The following SMAD9 variants were observed in gnomAD, a reference collection of about 807,000 sequenced individuals.
SMAD9 encodes the protein MAD homolog 9.
In SMAD9, 36 loss-of-function variants were observed where a neutral mutation model predicts 46.1. The ratio of observed to expected loss-of-function variants is 0.78; its 90% CI spans 0.60 to 1.03. The LOEUF is 1.03. SMAD9 is among the 50% of genes least tolerant of loss of function. The probability of loss-of-function intolerance (pLI) is 0.00; values close to 1 mark genes in which losing one functional copy is unlikely to be tolerated. For missense variants in SMAD9, 572 were observed against 599.8 expected, an observed-to-expected ratio of 0.95 and a Z score of 0.48; for synonymous variants, 245 against 237.1, an observed-to-expected ratio of 1.03 and a Z score of -0.31.
chr13:36,886,286 T>G (rs564035662), intron 1 of SMAD9, among the ~76,000 whole-genome samples: 6 of 152,204 alleles, frequency 3.9e-5, no homozygotes, highest in African/African-American at 1.4e-4. Flanking sequence ...GAAAGCCACA[T>G]GGGTGCGTCC....
At chr13:36,898,046 G>C (rs1018265148) in intron 1 of SMAD9, among the ~76,000 whole-genome samples, 53 of 151,692 alleles carry the variant, frequency 3.5e-4, no homozygotes, top group African/African-American at 1.2e-3. Flanking sequence ...TTTTATTAGA[G>C]ACAGGGTTTC....
chr13:36,878,996 T>C (rs2058373504), intron 2 of SMAD9, among the ~76,000 whole-genome samples: 1 of 152,226 alleles, frequency 6.6e-6, no homozygotes, highest in Non-Finnish European at 1.5e-5. Context: ...TCCTTCACAC[T>C]GGCTATAACA....
intron 1 of SMAD9, among the ~76,000 whole-genome samples, chr13:36,899,926 C>T (rs974600723): frequency 6.6e-6 from 1 of 152,148 alleles, no homozygotes; most frequent in Admixed American, 6.5e-5. Flanking sequence ...CAATCTTTCC[C>T]TGCTCCAATC....
chr13:36,887,523 G>A lies in SMAD9; in HGVS notation c.-186-7648C>T, dbSNP rs904774739. Among the ~76,000 whole-genome samples, 5 of 151,986 alleles carry A rather than the reference G, an allele frequency of 3.3e-5. No homozygotes were observed. In the East Asian group the frequency reaches 5.8e-4, roughly 18 times the overall value. ...CAGGTGTGAGCCATTGCGCCTGGCCGACTTGATCATTTTTAAGTGATCGTC... is the reference window on the plus strand; with the variant it reads ...CAGGTGTGAGCCATTGCGCCTGGCCAACTTGATCATTTTTAAGTGATCGTC... On this transcript the variant is annotated intron_variant, in intron 1 of 6. Transcript: ENST00000379826.
At chr13:36,876,451 G>A (rs1447509638) in intron 2 of SMAD9, among the ~76,000 whole-genome samples, 4 of 152,144 alleles carry the variant, frequency 2.6e-5, no homozygotes, top group Non-Finnish European at 5.9e-5. Flanking sequence ...TGTTGGGTAC[G>A]AGTCTGTGAA....
At chr13:36,902,532 C>A (rs2058584959) in intron 1 of SMAD9, among the ~76,000 whole-genome samples, 1 of 151,980 alleles carries the variant, frequency 6.6e-6, no homozygotes, top group South Asian at 2.1e-4. Context: ...CAGCTCACAG[C>A]AACCTCTGCC....
chr13:36,866,591 C>T (rs770962396), intron 4 of SMAD9, among the ~76,000 whole-genome samples: 3 of 152,090 alleles, frequency 2.0e-5, no homozygotes, highest in Non-Finnish European at 4.4e-5. Context: ...ATTTATGAAA[C>T]AGATAAATTT....
intron 1 of SMAD9, among the ~76,000 whole-genome samples, chr13:36,887,438 G>C (rs971979716): frequency 4.6e-5 from 7 of 151,762 alleles, no homozygotes; most frequent in African/African-American, 1.7e-4. Flanking sequence ...AGCTAGGCTG[G>C]TCTCGAACTC....
chr13:36,862,691 T>A (rs2058194119), intron 5 of SMAD9, among the ~76,000 whole-genome samples: 1 of 152,244 alleles, frequency 6.6e-6, no homozygotes, highest in Non-Finnish European at 1.5e-5. Flanking sequence ...ACCTCTCTAA[T>A]AAACTTGCTT....
chr13:36,853,410 A>C lies in SMAD9; in HGVS notation c.1260+9T>G, dbSNP rs1412798280. 6.2e-7 allele frequency: 1 copy of C among 1,613,532 alleles called. No individual in the cohort carries two copies. Among genetic ancestry groups the C allele is most frequent in the Admixed American group, 1.7e-5 (1 of 60,008 alleles). On this transcript the variant is annotated intron_variant, in intron 6 of 6. Coordinates refer to ENST00000379826, the MANE Select transcript of SMAD9 (RefSeq NM_001127217.3). ...AACATTTTATAACGTGATAGCAAGC[A>C]CTCCTTACCTTAACAAAACTCATCC...
At chr13:36,912,070 T>C (rs558948915) in intron 1 of SMAD9, among the ~76,000 whole-genome samples, 150 of 152,356 alleles carry the variant, frequency 9.8e-4, no homozygotes, top group African/African-American at 3.5e-3. Context: ...GTGTGTCAAC[T>C]GCTTAGCTAG....
chr13:36,906,385 A>G (rs917700284), intron 1 of SMAD9, among the ~76,000 whole-genome samples: 3 of 152,270 alleles, frequency 2.0e-5, no homozygotes, highest in South Asian at 2.1e-4. Flanking sequence ...AAATAAATGG[A>G]AAAAAATGCA....
chr13:36,862,782 C>T (rs2058195063), intron 5 of SMAD9, among the ~76,000 whole-genome samples: 1 of 152,168 alleles, frequency 6.6e-6, no homozygotes, highest in African/African-American at 2.4e-5. Flanking sequence ...AATCGGGACA[C>T]CTTTCTGGTA....
intron 1 of SMAD9, among the ~76,000 whole-genome samples, chr13:36,910,190 C>T (rs2058650530): frequency 6.7e-6 from 1 of 148,504 alleles, no homozygotes; most frequent in Non-Finnish European, 1.5e-5. Flanking sequence ...CAGCGAGACT[C>T]CGTCTCAAAA....
In SMAD9 at chr13:36,865,764, A is replaced by G; in HGVS notation, c.782-6T>C. 1 of 1,612,264 alleles carries G rather than the reference A, an allele frequency of 6.2e-7. No homozygotes were observed. The highest frequency in any genetic ancestry group is 8.5e-7 in the Non-Finnish European group (1 of 1,178,550). Reference sequence around the variant, plus strand: ...GTAACAAACTGGTCGAAAGTCTGGAAGAAAACAAACCAGAGAACACATGGC... The same window carrying G: ...GTAACAAACTGGTCGAAAGTCTGGAGGAAAACAAACCAGAGAACACATGGC... On this transcript the variant is annotated splice_region_variant and splice_polypyrimidine_tract_variant and intron_variant, in intron 4 of 6. Transcript: ENST00000379826.
rs531431513 is a variant in SMAD9, at chr13:36,879,748, G to C, written c.-59C>G. ...ACCGCACAGCCCTTCACGGCAAAGT[G>C]GGCGGCGAGTAGCTCTCCAGGGGTG... On this transcript the variant is annotated 5_prime_UTR_variant, in exon 2 of 7. Transcript: ENST00000379826. 69 of 1,598,954 alleles carry C rather than the reference G, an allele frequency of 4.3e-5. No homozygotes were observed. In the Admixed American group the frequency reaches 1.1e-3, roughly 26 times the overall value.
In SMAD9 at chr13:36,879,375, G is replaced by T. The variant is rs762750720; in HGVS notation, c.315C>A (p.His105Gln). The change falls in exon 2 of 7, where the codon CAC becomes CAA. Residue 105 changes from histidine (H) to glutamine (Q), a missense_variant. Physicochemically the swap from His to Gln is conservative, Grantham distance 24 (BLOSUM62 0). Coordinates refer to ENST00000379826, the MANE Select transcript of SMAD9 (RefSeq NM_001127217.3). ...VWRWPDLQSH[H>Q]ELKPLECCEF... ...CACAGCACTCCAGCGGCTTCAGCTC[G>T]TGGTGGGACTGCAGATCCGGCCAGC... is the stretch of plus-strand genomic sequence containing the variant. The T allele has an allele frequency of 6.2e-7, 1 of 1,614,074 alleles. No homozygotes were observed. The highest frequency in any genetic ancestry group is 8.5e-7 in the Non-Finnish European group (1 of 1,180,024).
At chr13:36,905,262 G>C (rs73535781) in intron 1 of SMAD9, among the ~76,000 whole-genome samples, 1 of 152,086 alleles carries the variant, frequency 6.6e-6, no homozygotes, top group South Asian at 2.1e-4. Flanking sequence ...ACTTGAAATC[G>C]ACTTGGTTGT....
upstream of SMAD9, among the ~76,000 whole-genome samples, chr13:36,920,465 G>T (rs1207684304): frequency 6.6e-6 from 1 of 151,838 alleles, no homozygotes; most frequent in Non-Finnish European, 1.5e-5. Flanking sequence ...CCTCGCAGCG[G>T]CCTGCGGCTC....
Sources: gnomAD v4.1 joint callset for allele counts (sites outside exome capture counted in the v4.1 genomes callset) on GRCh38, gnomAD v4.1.1 for gene constraint, MANE v1.5 for transcripts, NCBI Gene and HGNC (gene_info 2026-07-23, HGNC 2026-07-21) for gene names.